The following C16orf74 variants were observed in gnomAD, a reference collection of about 807,000 sequenced individuals.
C16orf74 encodes the protein uncharacterized protein C16orf74.
A neutral mutation model predicts 6.5 loss-of-function variants in C16orf74; 10 were observed. That is an observed-to-expected ratio of 1.54 (90% CI 0.95 to 2.61). The LOEUF is 2.61. Ranked by LOEUF, C16orf74 falls within the 30% of genes most tolerant of loss-of-function variation. The pLI is 0.00. For missense variants in C16orf74, 141 were observed against 105.9 expected (o/e 1.33, Z -1.45); for synonymous variants, 60 against 42.5 (o/e 1.41, Z -1.60).
intron 2 of C16orf74, among the ~76,000 whole-genome samples, chr16:85,711,635 A>G (rs1250022239): frequency 6.6e-6 from 1 of 151,924 alleles, no homozygotes; most frequent in East Asian, 1.9e-4. Context: ...AAAAAAAAAA[A>G]AAAAAAAAAA....
At chr16:85,744,588 T>G (rs989378913) in intron 1 of C16orf74, among the ~76,000 whole-genome samples, 2 of 152,108 alleles carry the variant, frequency 1.3e-5, no homozygotes, top group African/African-American at 4.8e-5. Flanking sequence ...CCCAGCACTT[T>G]GGGAGGCCAA....
chr16:85,716,249 G>T (rs1215965188), intron 2 of C16orf74, among the ~76,000 whole-genome samples: 1 of 151,504 alleles, frequency 6.6e-6, no homozygotes, highest in African/African-American at 2.4e-5. Flanking sequence ...AGAGGGGGTT[G>T]GAGGGAGAGG....
At chr16:85,711,623 CAAAA>C (rs57336507) in intron 2 of C16orf74, among the ~76,000 whole-genome samples, 193 of 111,034 alleles carry the variant, frequency 1.7e-3, no homozygotes, top group African/African-American at 6.3e-3. Flanking sequence ...AACTCTGTCT[CAAAA>C]AAAAAAAAAA....
chr16:85,742,309 G>C (rs2054317750), intron 1 of C16orf74, among the ~76,000 whole-genome samples: 1 of 152,156 alleles, frequency 6.6e-6, no homozygotes. Flanking sequence ...GGAGCCAGAA[G>C]TTGCAGTGAG....
At chr16:85,730,554 C>G (rs1379219475) in intron 2 of C16orf74, among the ~76,000 whole-genome samples, 2 of 136,644 alleles carry the variant, frequency 1.5e-5, no homozygotes, top group Non-Finnish European at 3.1e-5. Flanking sequence ...ACTGAACCCC[C>G]ACATCAGCCA....
chr16:85,709,825 G>A (rs1476898924), intron 3 of C16orf74, among the ~76,000 whole-genome samples: 1 of 152,270 alleles, frequency 6.6e-6, no homozygotes, highest in Non-Finnish European at 1.5e-5. Context: ...ACAAGATGGA[G>A]CAGCGGTCCT....
intron 1 of C16orf74, among the ~76,000 whole-genome samples, chr16:85,740,591 C>A (rs1049235794): frequency 2.6e-5 from 4 of 151,260 alleles, no homozygotes; most frequent in African/African-American, 9.7e-5. Context: ...ACTAGAGACG[C>A]TGAGGCAGAA....
intron 2 of C16orf74, among the ~76,000 whole-genome samples, chr16:85,732,061 C>CG (rs2054194541): frequency 6.6e-6 from 1 of 152,174 alleles, no homozygotes; most frequent in African/African-American, 2.4e-5. Context: ...AAGCAAATGA[C>CG]AGTTGTCCTT....
At chr16:85,749,276 A>G (rs2152067881) in intron 1 of C16orf74, among the ~76,000 whole-genome samples, 1 of 151,858 alleles carries the variant, frequency 6.6e-6, no homozygotes, top group East Asian at 1.9e-4. Flanking sequence ...CCTCATTTTT[A>G]TTTTTTAATT....
chr16:85,710,417 C>T, intron 2 of C16orf74, 110 bp from the exon 3 acceptor site: 1 of 1,087,630 alleles, frequency 9.2e-7, no homozygotes, highest in East Asian at 3.2e-5. Context: ...CACCTGGGTC[C>T]TGACGCCTCG....
chr16:85,741,457 C>T (rs1034365893), intron 1 of C16orf74, among the ~76,000 whole-genome samples: 3 of 152,070 alleles, frequency 2.0e-5, no homozygotes, highest in African/African-American at 7.2e-5. Context: ...CAGCTCCAGC[C>T]AGGATTCAGG....
At chr16:85,718,074 T>C (rs55973687) in intron 2 of C16orf74, among the ~76,000 whole-genome samples, 1 of 152,116 alleles carries the variant, frequency 6.6e-6, no homozygotes, top group Non-Finnish European at 1.5e-5. Flanking sequence ...CCTCTACTAG[T>C]TCTTTTTCAT....
At chr16:85,715,943 A>G (rs1435962953) in intron 2 of C16orf74, among the ~76,000 whole-genome samples, 1 of 152,142 alleles carries the variant, frequency 6.6e-6, no homozygotes, top group African/African-American at 2.4e-5. Flanking sequence ...CAGCTGCCCC[A>G]TAAGTGTTCT....
intron 2 of C16orf74, among the ~76,000 whole-genome samples, chr16:85,733,953 G>A (rs1183273495): frequency 6.6e-6 from 1 of 152,176 alleles, no homozygotes; most frequent in Non-Finnish European, 1.5e-5. Context: ...ACCTAAACTG[G>A]GCCAATCGGA....
At chr16:85,717,612 C>G (rs2054038034) in intron 2 of C16orf74, among the ~76,000 whole-genome samples, 1 of 152,202 alleles carries the variant, frequency 6.6e-6, no homozygotes, top group African/African-American at 2.4e-5. Context: ...GCCGTGCCGC[C>G]TCTCCGCTGA....
intron 3 of C16orf74, among the ~76,000 whole-genome samples, chr16:85,709,963 C>T (rs1463534480): frequency 3.3e-5 from 5 of 152,264 alleles, no homozygotes; most frequent in Non-Finnish European, 7.3e-5. Context: ...AATTACTTAA[C>T]ACGCCGCGTC....
intron 2 of C16orf74, among the ~76,000 whole-genome samples, chr16:85,713,600 C>T (rs756380878): frequency 6.6e-6 from 1 of 152,206 alleles, no homozygotes; most frequent in Admixed American, 6.5e-5. Flanking sequence ...TAAGGACACC[C>T]GTCATATTGG....
At chr16:85,748,453 C>A (rs879516226) in intron 1 of C16orf74, among the ~76,000 whole-genome samples, 26 of 151,856 alleles carry the variant, frequency 1.7e-4, no homozygotes, top group Non-Finnish European at 3.2e-4. Context: ...CAAAAATTAG[C>A]CGGGCATGGT....
chr16:85,710,067 C>A (rs971504794), intron 3 of C16orf74, 97 bp downstream of exon 3: 2 of 1,079,434 alleles, frequency 1.9e-6, no homozygotes, highest in African/African-American at 1.7e-5. Flanking sequence ...GGTGGGGACG[C>A]AAGCTAGGCC....
Sources: allele counts gnomAD v4.1 joint callset (sites outside exome capture counted in the v4.1 genomes callset), GRCh38; gene constraint gnomAD v4.1.1; transcripts MANE v1.5; gene names NCBI Gene and HGNC (gene_info 2026-07-23, HGNC 2026-07-21).